Variants in RNF150 observed in about 807,000 individuals in gnomAD.
RNF150 encodes the protein ring finger protein 150.
In RNF150, 24 loss-of-function variants were observed where a neutral mutation model predicts 39.3. The observed-to-expected ratio is 0.61, with a 90% CI of 0.44 to 0.86. The LOEUF is 0.86. RNF150 is among the 40% of genes least tolerant of loss of function. The pLI is 0.00. For missense variants in RNF150, 502 were observed against 587.8 expected (o/e 0.85, Z 1.51); for synonymous variants, 255 against 227.3 (o/e 1.12, Z -1.10).
At chr4:141,188,727 T>C (rs1728056207) in intron 1 of RNF150, among the ~76,000 whole-genome samples, 2 of 152,224 alleles carry the variant, frequency 1.3e-5, no homozygotes, top group African/African-American at 4.8e-5. Context: ...TCTTAACTGG[T>C]TATTCTAGTT....
intron 1 of RNF150, among the ~76,000 whole-genome samples, chr4:141,152,184 C>G (rs1324308973): frequency 6.6e-6 from 1 of 152,168 alleles, no homozygotes; most frequent in Non-Finnish European, 1.5e-5. Flanking sequence ...TTATATTATG[C>G]CACAAGGATT....
rs56041999 is a variant in RNF150, at chr4:140,956,589, C to T, written c.736-7217G>A. Among the ~76,000 whole-genome samples, 1,461 of 152,176 alleles carry T rather than the reference C, an allele frequency of 9.6e-3. 29 individuals carry two copies. The highest frequency in any genetic ancestry group is 0.033 in the African/African-American group (1,377 of 41,524). On this transcript the variant is annotated intron_variant, in intron 2 of 6. Coordinates refer to ENST00000515673, the MANE Select transcript of RNF150 (RefSeq NM_020724.2). ...CAGCTTTCTGTATGGCAGATTCAAC[C>T]AATAATGGATTGAACACATTTGGGG...
In RNF150 at chr4:140,868,236, T is replaced by A; in HGVS notation, c.*25A>T. 7.5e-7 allele frequency: 1 copy of A among 1,328,030 alleles called. No homozygotes were observed. The highest frequency in any genetic ancestry group is 1.4e-5 in the African/African-American group (1 of 69,328). 82.3% of individuals were successfully genotyped at this position (1,328,030 alleles called of 1,614,324 possible). A position where few individuals can be genotyped will look rare whatever the true frequency, so the allele number is the denominator to read the frequency against. On this transcript the variant is annotated 3_prime_UTR_variant, in exon 7 of 7. Transcript: ENST00000515673. ...CCTTCCTTTCCCTTGGGTCCTACTA[T>A]CTCTTTGCTTCTGGATTTGTCGTTT... is the stretch of plus-strand genomic sequence containing the variant.
intron 1 of RNF150, among the ~76,000 whole-genome samples, chr4:141,081,562 C>T (rs1246211560): frequency 6.6e-6 from 1 of 151,992 alleles, no homozygotes; most frequent in Non-Finnish European, 1.5e-5. Flanking sequence ...TTTTTATCTT[C>T]CAAAAATTAT....
At chr4:141,174,558 G>A (rs1002866965) in intron 1 of RNF150, among the ~76,000 whole-genome samples, 3 of 152,204 alleles carry the variant, frequency 2.0e-5, no homozygotes, top group African/African-American at 7.2e-5. Flanking sequence ...CTTGGCAGAA[G>A]TAGTTAGGTG....
intron 2 of RNF150, among the ~76,000 whole-genome samples, chr4:140,951,434 C>T (rs1208396271): frequency 6.6e-6 from 1 of 152,066 alleles, no homozygotes; most frequent in Non-Finnish European, 1.5e-5. Context: ...TGTGCGCATA[C>T]ACACACGTAC....
At chr4:140,871,247 T>C (rs12641776) in intron 6 of RNF150, among the ~76,000 whole-genome samples, 20,517 of 152,172 alleles carry the variant, frequency 0.13, 1,681 homozygotes, top group East Asian at 0.38. Context: ...GCCAATCTAG[T>C]ACAGGGCCTC....
chr4:141,081,169 G>A (rs759266701), intron 1 of RNF150, among the ~76,000 whole-genome samples: 1 of 151,810 alleles, frequency 6.6e-6, no homozygotes, highest in African/African-American at 2.4e-5. Context: ...TCTGCATTGG[G>A]ACAATTTTAT....
intron 6 of RNF150, among the ~76,000 whole-genome samples, chr4:140,871,928 A>G (rs997662226): frequency 6.6e-6 from 1 of 152,256 alleles, no homozygotes; most frequent in African/African-American, 2.4e-5. Flanking sequence ...GAATTCAAAT[A>G]AATGAAAATA....
intron 6 of RNF150, among the ~76,000 whole-genome samples, chr4:140,907,075 C>T (rs1027990161): frequency 1.7e-4 from 26 of 152,326 alleles, no homozygotes; most frequent in African/African-American, 6.0e-4. Context: ...ACATACAGGG[C>T]TGTCTGTTTC....
chr4:141,048,890 G>A (rs1736678986), intron 1 of RNF150, among the ~76,000 whole-genome samples: 1 of 152,164 alleles, frequency 6.6e-6, no homozygotes, highest in East Asian at 1.9e-4. Context: ...GATGATTGAA[G>A]CCAACATAAT....
At chr4:141,104,450 C>T (rs1406311619) in intron 1 of RNF150, among the ~76,000 whole-genome samples, 1 of 152,180 alleles carries the variant, frequency 6.6e-6, no homozygotes, top group African/African-American at 2.4e-5. Context: ...GAATGAAAGG[C>T]TCTCATTCTT....
rs367870780 is a variant in RNF150 at position 140,962,066 on chromosome 4, T to C, written c.735+5557A>G. 3.5e-3 allele frequency among the ~76,000 whole-genome samples: 157 copies of C among 45,214 alleles called. 1 individual carries two copies. Among genetic ancestry groups the C allele is most frequent in the African/African-American group, 7.5e-3 (153 of 20,452 alleles). 29.7% of individuals were successfully genotyped at this position (45,214 alleles called of 152,430 possible). ...CTGATTAACATCTCTCTCTCTCTCTTCTCTCTCTCTCTCTACTCTCTCTCT... is the reference window on the plus strand; with the variant it reads ...CTGATTAACATCTCTCTCTCTCTCTCCTCTCTCTCTCTCTACTCTCTCTCT... On this transcript the variant is annotated intron_variant, in intron 2 of 6. Transcript: ENST00000515673.
intron 1 of RNF150, among the ~76,000 whole-genome samples, chr4:141,126,384 G>C (rs1184957294): frequency 6.6e-6 from 1 of 152,182 alleles, no homozygotes; most frequent in Admixed American, 6.5e-5. Flanking sequence ...CTGAATGCCA[G>C]AGAAAGCTTA....
chr4:140,960,352 G>A (rs1732970872), intron 2 of RNF150, among the ~76,000 whole-genome samples: 1 of 152,154 alleles, frequency 6.6e-6, no homozygotes, highest in African/African-American at 2.4e-5. Context: ...CCAGCTCCCA[G>A]CTAGAACTCC....
chr4:140,915,903 T>C (rs951359763), intron 5 of RNF150, among the ~76,000 whole-genome samples: 2 of 152,196 alleles, frequency 1.3e-5, no homozygotes, highest in African/African-American at 4.8e-5. Context: ...TCTGCTGTTC[T>C]GCAGCCACCG....
intron 1 of RNF150, among the ~76,000 whole-genome samples, chr4:141,142,870 T>C (rs1467375037): frequency 1.3e-5 from 2 of 151,978 alleles, no homozygotes; most frequent in African/African-American, 2.4e-5. Flanking sequence ...TCTCTCTTTT[T>C]TCTCTTTTTT....
chr4:141,012,778 T>A (rs1289001986), intron 1 of RNF150, among the ~76,000 whole-genome samples: 1 of 5,044 alleles, frequency 2.0e-4, no homozygotes, highest in Non-Finnish European at 6.3e-4. Context: ...TAAGACTCTG[T>A]CTCAAAAAAA....
intron 1 of RNF150, among the ~76,000 whole-genome samples, chr4:141,010,095 A>ACTTGC (rs1249716620): frequency 4.6e-5 from 7 of 152,362 alleles, no homozygotes; most frequent in African/African-American, 1.7e-4. Flanking sequence ...ATAGAAAGAC[A>ACTTGC]ATGAGCACTT....
Sources: gnomAD v4.1 joint callset for allele counts (sites outside exome capture counted in the v4.1 genomes callset) on GRCh38, gnomAD v4.1.1 for gene constraint, MANE v1.5 for transcripts, NCBI Gene and HGNC (gene_info 2026-07-23, HGNC 2026-07-21) for gene names.